KIRREL3: variants seen among roughly 807,000 people sequenced by gnomAD.
KIRREL3 encodes kirre like nephrin family adhesion molecule 3.
In KIRREL3, 36 loss-of-function variants were observed where a neutral mutation model predicts 89.7. The ratio of observed to expected loss-of-function variants is 0.40; its 90% confidence interval spans 0.31 to 0.53. The LOEUF (loss-of-function observed/expected upper bound fraction) is 0.53. Among genes scored for constraint, KIRREL3 ranks in the 20% least tolerant of loss-of-function variants. The pLI, the probability that KIRREL3 is intolerant of heterozygous loss-of-function variation, is 0.49. For missense variants in KIRREL3, 864 were observed against 1,056.6 expected (o/e 0.82, Z 2.53); for synonymous variants, 445 against 441.4 (o/e 1.01, Z -0.10).
chr11:126,517,136 AAGAGAGAGAGAG>A (rs199586143), intron 4 of KIRREL3, among the ~76,000 whole-genome samples: 29,528 of 140,912 alleles, frequency 0.21, 3,187 homozygotes, highest in African/African-American at 0.23. Flanking sequence ...GAGAGAGAGA[AAGAGAGAGAGAG>A]AGAGAGAGAG....
At chr11:126,799,299 CGT>C (rs1218367102) in intron 1 of KIRREL3, among the ~76,000 whole-genome samples, 1 of 20,748 alleles carries the variant, frequency 4.8e-5, no homozygotes, top group Non-Finnish European at 8.8e-5. Context: ...TGTATCTGTA[CGT>C]GTGTGCATGT....
chr11:126,510,421 T>TTTCCTTCC (rs202158249), intron 4 of KIRREL3, among the ~76,000 whole-genome samples: 9,131 of 126,334 alleles, frequency 0.072, 528 homozygotes, highest in African/African-American at 0.13. Context: ...CCTGACGTTG[T>TTTCCTTCC]TTCCTTCCTT....
intron 1 of KIRREL3, among the ~76,000 whole-genome samples, chr11:126,818,128 T>C (rs572948323): frequency 6.6e-6 from 1 of 152,276 alleles, no homozygotes; most frequent in East Asian, 1.9e-4. Context: ...AAAGATCAGG[T>C]TGTAAGGTGA....
chr11:126,906,574 T>C lies in KIRREL3; in HGVS notation c.55+93881A>G, dbSNP rs1042978329. 3.3e-5 allele frequency among the ~76,000 whole-genome samples: 5 copies of C among 151,372 alleles called. No individual in the cohort carries two copies. The highest frequency in any genetic ancestry group is 7.3e-5 in the African/African-American group (3 of 41,260). Reference sequence around the variant, plus strand: ...GACCCCCCTGCCATGAAAAACAGCGTTGTTTTTTGTTTTTGTTTTTGCTTC... The same window carrying C: ...GACCCCCCTGCCATGAAAAACAGCGCTGTTTTTTGTTTTTGTTTTTGCTTC... On this transcript the variant is annotated intron_variant, in intron 1 of 16. Transcript: ENST00000525144. This position sits in a 1 kb window ranked among gnomAD's most constrained non-coding sequence, Gnocchi z 4.1.
rs1200603145 is a variant in KIRREL3, at chr11:126,754,174, A to T, written c.56-191262T>A. 6.6e-6 allele frequency among the ~76,000 whole-genome samples: 1 copy of T among 152,224 alleles called. No individual in the cohort carries two copies. The highest frequency in any genetic ancestry group is 1.5e-5 in the Non-Finnish European group (1 of 68,046). Reference sequence around the variant, plus strand: ...AAATTAAACTGTAGAATAATCCCCAAGGGAGAGCATATTTCATTTGCAATG... The same window carrying T: ...AAATTAAACTGTAGAATAATCCCCATGGGAGAGCATATTTCATTTGCAATG... On this transcript the variant is annotated intron_variant, in intron 1 of 16. Coordinates refer to ENST00000525144, the MANE Select transcript of KIRREL3 (RefSeq NM_032531.4). The surrounding 1 kb of genome is among the most constrained non-coding windows in gnomAD (Gnocchi z 5.1).
In KIRREL3 at chr11:126,639,855, G is replaced by A. The variant is rs562410011; in HGVS notation, c.56-76943C>T. Among the ~76,000 whole-genome samples, 12 of 152,308 alleles carry A rather than the reference G, an allele frequency of 7.9e-5. No individual in the cohort carries two copies. The highest frequency in any genetic ancestry group is 3.4e-3 in the Middle Eastern group (1 of 294). ...TGTGGCTGGGATCTGAGAAGGCTTA[G>A]TTTGATTACGCTTCATGGCCATCCA... On this transcript the variant is annotated intron_variant, in intron 1 of 16. Transcript: ENST00000525144. The surrounding 1 kb of genome is among the most constrained non-coding windows in gnomAD (Gnocchi z 4.3).
intron 2 of KIRREL3, among the ~76,000 whole-genome samples, chr11:126,547,251 A>C (rs1301055979): frequency 1.3e-5 from 2 of 152,248 alleles, no homozygotes; most frequent in South Asian, 2.1e-4. Flanking sequence ...TTTTGTGGTC[A>C]AATGAGTTTG....
At chr11:126,613,223 G>C (rs867448096) in intron 1 of KIRREL3, among the ~76,000 whole-genome samples, 2 of 152,094 alleles carry the variant, frequency 1.3e-5, no homozygotes, top group African/African-American at 2.4e-5. Flanking sequence ...ATCATTTCAG[G>C]GGTCCCAGAA....
At chr11:126,728,391 C>T (rs1419635760) in intron 1 of KIRREL3, among the ~76,000 whole-genome samples, 1 of 152,150 alleles carries the variant, frequency 6.6e-6, no homozygotes, top group Non-Finnish European at 1.5e-5. Context: ...TGTGTCCCAC[C>T]TCCCACCGTG....
chr11:126,833,182 A>C (rs1943667381), intron 1 of KIRREL3, among the ~76,000 whole-genome samples: 1 of 152,216 alleles, frequency 6.6e-6, no homozygotes, highest in Non-Finnish European at 1.5e-5. Flanking sequence ...TGCAAGAGGC[A>C]CAAGGATGAA....
chr11:126,559,584 T>C (rs1939959345), intron 2 of KIRREL3, among the ~76,000 whole-genome samples: 1 of 152,000 alleles, frequency 6.6e-6, no homozygotes, highest in Admixed American at 6.5e-5. Flanking sequence ...TTTAGGTAGA[T>C]GGAAGGCAGG....
In KIRREL3 at chr11:126,776,674, G is replaced by T. The variant is rs571842523; in HGVS notation, c.56-213762C>A. Among the ~76,000 whole-genome samples the T allele has an allele frequency of 3.3e-5, 5 of 152,362 alleles. No homozygotes were observed. The highest frequency in any genetic ancestry group is 2.0e-4 in the Admixed American group (3 of 15,308). On this transcript the variant is annotated intron_variant, in intron 1 of 16. Coordinates refer to ENST00000525144, the MANE Select transcript of KIRREL3 (RefSeq NM_032531.4). This position sits in a 1 kb window ranked among gnomAD's most constrained non-coding sequence, Gnocchi z 4.7. ...AACCAAGGATTGTGGGGTCACAGAAGTCAACTGTTAAAACCTTGTGGTAAT... is the reference window on the plus strand; with the variant it reads ...AACCAAGGATTGTGGGGTCACAGAATTCAACTGTTAAAACCTTGTGGTAAT...
chr11:126,884,072 G>C (rs889924097), intron 1 of KIRREL3, among the ~76,000 whole-genome samples: 2 of 152,068 alleles, frequency 1.3e-5, no homozygotes, highest in Non-Finnish European at 2.9e-5. Flanking sequence ...TGAGGCATTG[G>C]GCCTACATGG....
Position 126,521,376 on chromosome 11 carries a change from C to T in KIRREL3, c.372G>A (p.Val124=), listed in dbSNP as rs773265317. ...CGGCCTGGATGGCCTGGCACTCGTA[C>T]ACCGCATCGTCTTGCAGCTCTGCCC... is the stretch of plus-strand genomic sequence containing the variant. The part of the protein sequence containing the change: ...ILRAELQDDA[V]YECQAIQAAI... The change falls in exon 4 of 17, where the codon GTG becomes GTA. Residue 124 remains valine, a synonymous_variant. Coordinates refer to ENST00000525144, the MANE Select transcript of KIRREL3 (RefSeq NM_032531.4). The surrounding 1 kb of genome is among the most constrained non-coding windows in gnomAD (Gnocchi z 4.1). 2 of 1,560,442 alleles carry T rather than the reference C, an allele frequency of 1.3e-6. No individual in the cohort carries two copies. Among genetic ancestry groups the T allele is most frequent in the African/African-American group, 1.4e-5 (1 of 73,430 alleles).
chr11:126,483,662 TC>T (rs1196120639), intron 4 of KIRREL3, among the ~76,000 whole-genome samples: 3 of 152,224 alleles, frequency 2.0e-5, no homozygotes, highest in Non-Finnish European at 4.4e-5. Context: ...ATGGGGGCCT[TC>T]CCCGGTTCTC....
At chr11:126,681,998 G>A (rs1214754868) in intron 1 of KIRREL3, 4 of 410,486 alleles carry the variant, frequency 9.7e-6, no homozygotes, top group Admixed American at 8.2e-5. Flanking sequence ...GGAATCAGGA[G>A]ACCAGATGTC....
chr11:126,770,123 C>T (rs1460762418), intron 1 of KIRREL3, among the ~76,000 whole-genome samples: 1 of 152,052 alleles, frequency 6.6e-6, no homozygotes, highest in Non-Finnish European at 1.5e-5. Context: ...AGGTACTGAG[C>T]AGTCCAGTGG....
intron 1 of KIRREL3, among the ~76,000 whole-genome samples, chr11:126,717,729 T>C (rs1423782816): frequency 6.6e-6 from 1 of 152,228 alleles, no homozygotes; most frequent in Non-Finnish European, 1.5e-5. Context: ...TAAAACACTT[T>C]ATTGCAATTA....
At position 126,957,110 on chromosome 11, in the gene KIRREL3, C is replaced by G. The variant is rs146846344; in HGVS notation, c.55+43345G>C. ...TGACTGCTATTGACTGATGAATTAA[C>G]AGAGTTCAGCCCTGTGAGGACACAG... On this transcript the variant is annotated intron_variant, in intron 1 of 16. Coordinates refer to ENST00000525144, the MANE Select transcript of KIRREL3 (RefSeq NM_032531.4). Among the ~76,000 whole-genome samples the G allele has an allele frequency of 9.0e-4, 137 of 152,346 alleles. 1 individual carries two copies. Among genetic ancestry groups the G allele is most frequent in the Middle Eastern group, 3.4e-3 (1 of 294 alleles).
Sources: gnomAD v4.1 joint callset for allele counts (sites outside exome capture counted in the v4.1 genomes callset) on GRCh38, gnomAD v4.1.1 for gene constraint, Gnocchi (gnomAD v3.1) non-coding constraint, MANE v1.5 for transcripts, NCBI Gene and HGNC (gene_info 2026-07-23, HGNC 2026-07-21) for gene names.